PHGDH: variants seen among roughly 807,000 people sequenced by gnomAD.
PHGDH encodes D-3-phosphoglycerate dehydrogenase.
Under a neutral mutation model 52.6 loss-of-function variants are expected in PHGDH, and 50 were observed. The ratio of observed to expected loss-of-function variants is 0.95; its 90% confidence interval spans 0.76 to 1.20. The LOEUF is 1.20. Among genes scored for constraint, PHGDH ranks in the 50% most tolerant of loss-of-function variants. The pLI is 0.00. For missense variants in PHGDH, 630 were observed against 684.6 expected (o/e 0.92, Z 0.89); for synonymous variants, 271 against 280.5 (o/e 0.97, Z 0.34).
rs762517930 is a variant in PHGDH, at chr1:119,743,879, T to C, written c.1448-7T>C. 2 of 1,612,960 alleles carry C rather than the reference T, an allele frequency of 1.2e-6. No individual in the cohort carries two copies. Among genetic ancestry groups the C allele is most frequent in the South Asian group, 1.1e-5 (1 of 91,064 alleles). The stretch of plus-strand genomic sequence containing the variant: ...CTGTGCCAACCAGGAGTTTCTTCTA[T>C]TTCCAGGCCTCCTGGCAGAGGCAGG... On this transcript the variant is annotated splice_region_variant and splice_polypyrimidine_tract_variant and intron_variant, in intron 11 of 11. Coordinates refer to ENST00000641023, the MANE Select transcript of PHGDH (RefSeq NM_006623.4).
At chr1:119,733,133 AGGTTCTT>A (rs1182722415) in intron 5 of PHGDH, among the ~76,000 whole-genome samples, 6 of 152,104 alleles carry the variant, frequency 3.9e-5, no homozygotes, top group Non-Finnish European at 8.8e-5. Context: ...TCTGAGCTGG[AGGTTCTT>A]ATAGGGCGTG....
At chr1:119,728,370 C>T (rs1006112807) in intron 5 of PHGDH, among the ~76,000 whole-genome samples, 5 of 152,168 alleles carry the variant, frequency 3.3e-5, no homozygotes, top group Non-Finnish European at 5.9e-5. Context: ...ACAGTAGAGC[C>T]TTACATCCAT....
At position 119,743,986 on chromosome 1, in the gene PHGDH, C is replaced by T. The variant is rs2101229419; in HGVS notation, c.1548C>T (p.Pro516=). Reference sequence around the variant, plus strand: ...TCATGGGCATCTCCTCCTTGCTGCCCAGCCTGGAAGCGTGGAAGCAGCATG... The same window carrying T: ...TCATGGGCATCTCCTCCTTGCTGCCTAGCCTGGAAGCGTGGAAGCAGCATG... ...WHVMGISSLL[P]SLEAWKQHVT... is the part of the protein sequence containing the mutation. Residue 516 remains proline (P), a synonymous_variant, in exon 12 of 12, where the codon CCC becomes CCT. Transcript: ENST00000641023. 1 of 1,614,120 alleles carries T rather than the reference C, an allele frequency of 6.2e-7. No homozygotes were observed. Among genetic ancestry groups the T allele is most frequent in the Non-Finnish European group, 8.5e-7 (1 of 1,179,948 alleles).
At chr1:119,739,802 A>C (rs867241718) in intron 8 of PHGDH, 1 of 153,860 alleles carries the variant, frequency 6.5e-6, no homozygotes, top group Non-Finnish European at 1.4e-5. Flanking sequence ...GGTCCTAGAC[A>C]TAACTTTTGG....
intron 1 of PHGDH, among the ~76,000 whole-genome samples, chr1:119,713,984 A>C (rs182322816): frequency 6.6e-6 from 1 of 152,084 alleles, no homozygotes; most frequent in Non-Finnish European, 1.5e-5. Flanking sequence ...AAACTTGGAG[A>C]ACATTTTAAA....
chr1:119,730,578 AC>A (rs587646922), intron 5 of PHGDH, among the ~76,000 whole-genome samples: 58 of 152,322 alleles, frequency 3.8e-4, no homozygotes, highest in African/African-American at 1.4e-3. Context: ...TAAGAAAAAA[AC>A]ATGTTTATCT....
intron 1 of PHGDH, chr1:119,712,497 C>G (rs1570981220): frequency 1.1e-5 from 4 of 368,268 alleles, no homozygotes; most frequent in South Asian, 9.0e-5. Flanking sequence ...AGCGCCTTAG[C>G]GCGCAATTGT....
chr1:119,734,888 C>T (rs964336295), intron 6 of PHGDH, 122 bp downstream of exon 6: 3 of 1,088,736 alleles, frequency 2.8e-6, no homozygotes, highest in South Asian at 2.5e-5. Flanking sequence ...CCACCTGGGT[C>T]CTGCAGAGGC....
intron 2 of PHGDH, among the ~76,000 whole-genome samples, chr1:119,723,020 G>A (rs1434324257): frequency 6.6e-6 from 1 of 152,102 alleles, no homozygotes; most frequent in African/African-American, 2.4e-5. Context: ...CAGGGAATTT[G>A]TGCTTTCTGG....
rs1366611140 is a variant in PHGDH, at chr1:119,735,339, C to A, written c.688C>A (p.Arg230Ser). The A allele has an allele frequency of 1.2e-6, 2 of 1,614,168 alleles. No homozygotes were observed. The highest frequency in any genetic ancestry group is 1.6e-4 in the Middle Eastern group (1 of 6,062). ...NTFAQCKKGV[R>S]VVNCARGGIV... Reference sequence around the variant, plus strand: ...CTTTGCCCAGTGCAAGAAGGGGGTGCGTGTGGTGAACTGTGCCCGTGGAGG... The same window carrying A: ...CTTTGCCCAGTGCAAGAAGGGGGTGAGTGTGGTGAACTGTGCCCGTGGAGG... Residue 230 changes from arginine (R) to serine (S), a missense_variant, in exon 7 of 12, where the codon CGT becomes AGT. Coordinates refer to ENST00000641023, the MANE Select transcript of PHGDH (RefSeq NM_006623.4).
intron 1 of PHGDH, chr1:119,720,605 G>T (rs926838628): frequency 1.6e-5 from 3 of 186,676 alleles, no homozygotes; most frequent in Non-Finnish European, 3.4e-5. Flanking sequence ...CACTTGAGAA[G>T]GCCGAAGCTG....
intron 9 of PHGDH, among the ~76,000 whole-genome samples, chr1:119,741,532 T>A (rs1652206352): frequency 6.6e-6 from 1 of 151,952 alleles, no homozygotes; most frequent in Non-Finnish European, 1.5e-5. Flanking sequence ...TGAGCTGAGT[T>A]TTGGAGAGGA....
At chr1:119,724,418 C>A (rs950949265) in intron 3 of PHGDH, 7 of 245,684 alleles carry the variant, frequency 2.8e-5, no homozygotes, top group Admixed American at 1.5e-4. Flanking sequence ...TCTGCTCTAA[C>A]TCCTCCCTGC....
At position 119,726,885 on chromosome 1, in the gene PHGDH, G is replaced by T; in HGVS notation, c.391G>T (p.Gly131Cys). 1 of 1,614,184 alleles carries T rather than the reference G, an allele frequency of 6.2e-7. No individual in the cohort carries two copies. The change falls in exon 4 of 12, where the codon GGC (glycine) becomes TGC (cysteine). Residue 131 changes from glycine (G) to cysteine (C), a missense_variant. Transcript: ENST00000641023. ...IPQATASMKD[G>C]KWERKKFMGT... ...CCAGGCGACGGCTTCGATGAAGGAC[G>T]GCAAATGGGAGCGGAAGAAGGTGAG...
chr1:119,740,241 G>A (rs1337316540), intron 8 of PHGDH, 145 bp from the exon 9 acceptor site: 10 of 728,178 alleles, frequency 1.4e-5, no homozygotes, highest in Admixed American at 2.1e-5. Flanking sequence ...GTTAGTGGCT[G>A]ATGGAAGTTG....
At chr1:119,740,571 G>T in intron 9 of PHGDH, 53 bp downstream of exon 9, 2 of 1,454,120 alleles carry the variant, frequency 1.4e-6, no homozygotes, top group Non-Finnish European at 1.9e-6. Flanking sequence ...GGGAGTGTGG[G>T]ATCTGCCCTG....
intron 7 of PHGDH, among the ~76,000 whole-genome samples, chr1:119,736,301 C>T (rs1448985104): frequency 2.6e-5 from 4 of 152,176 alleles, no homozygotes; most frequent in African/African-American, 9.7e-5. Flanking sequence ...GTATCACCAT[C>T]CTCCCTAACA....
In PHGDH at chr1:119,743,960, G is replaced by A. The variant is rs199933895; in HGVS notation, c.1522G>A (p.Val508Ile). Reference sequence around the variant, plus strand: ...GGTGTCAGATGGGGAGACCTGGCACGTCATGGGCATCTCCTCCTTGCTGCC... The same window carrying A: ...GGTGTCAGATGGGGAGACCTGGCACATCATGGGCATCTCCTCCTTGCTGCC... ...SLVSDGETWH[V>I]MGISSLLPSL... The change falls in exon 12 of 12, where the codon GTC (valine) becomes ATC (isoleucine). Residue 508 changes from valine to isoleucine, a missense_variant. Val to Ile is a conservative substitution (Grantham distance 29, BLOSUM62 3). Coordinates refer to ENST00000641023, the MANE Select transcript of PHGDH (RefSeq NM_006623.4). 276 of 1,613,802 alleles carry A rather than the reference G, an allele frequency of 1.7e-4. No individual in the cohort carries two copies. The highest frequency in any genetic ancestry group is 2.1e-4 in the Non-Finnish European group (246 of 1,179,776).
chr1:119,721,723 C>T (rs756486042), intron 2 of PHGDH: 2 of 196,636 alleles, frequency 1.0e-5, no homozygotes, highest in Non-Finnish European at 2.1e-5. Context: ...CTGTTTGTGG[C>T]AGGTTTTTGT....
Sources: allele counts gnomAD v4.1 joint callset (sites outside exome capture counted in the v4.1 genomes callset), GRCh38; gene constraint gnomAD v4.1.1; transcripts MANE v1.5; gene names NCBI Gene and HGNC (gene_info 2026-07-23, HGNC 2026-07-21).